The following EMC10 variants were observed in gnomAD, a reference collection of about 807,000 sequenced individuals.
EMC10 encodes the protein ER membrane protein complex subunit 10, also known as UPF0510 protein INM02.
A neutral mutation model predicts 32.2 loss-of-function variants in EMC10; 40 were observed. The observed-to-expected ratio is 1.24, with a 90% confidence interval of 0.96 to 1.61. The LOEUF (loss-of-function observed/expected upper bound fraction) is 1.61, where lower values mean the gene tolerates loss of function less well. Ranked by LOEUF, EMC10 falls within the 40% of genes most tolerant of loss-of-function variation. EMC10 has a pLI of 0.00. For synonymous variants in EMC10, 178 were observed against 158.4 expected, an observed-to-expected ratio of 1.12 and a Z score of -0.93; for missense variants, 402 against 357.7, an observed-to-expected ratio of 1.12 and a Z score of -1.00.
rs138656716 is a variant in EMC10, at chr19:50,482,196, G to A, written c.726G>A (p.Ala242=). The A allele has an allele frequency of 8.7e-5, 89 of 1,019,482 alleles. No homozygotes were observed. The East Asian group carries it at 3.5e-3, about 40-fold the overall frequency. 63.2% of individuals were successfully genotyped at this position (1,019,482 alleles called of 1,614,324 possible). A position where few individuals can be genotyped will look rare whatever the true frequency, so the allele number is the denominator to read the frequency against. The change falls in exon 7 of 7, where the codon GCG becomes GCA. Residue 242 remains alanine (A), a synonymous_variant. Coordinates refer to ENST00000334976, the MANE Select transcript of EMC10 (RefSeq NM_206538.4). ...TCCTGTTCCTCATGATGTCAGGAGC[G>A]CCAGACACCGGGGGCCAGGGTGGGG... ...PVVLFLMMSG[A]PDTGGQGGGG...
chr19:50,478,913 G>A, intron 2 of EMC10, 44 bp from the exon 3 acceptor site: 1 of 1,486,652 alleles, frequency 6.7e-7, no homozygotes, highest in Non-Finnish European at 9.2e-7. Context: ...TGGGTTGAAG[G>A]GTGGGCGGGG....
In EMC10 at chr19:50,480,113, T is replaced by A; in HGVS notation, c.300T>A (p.Asp100Glu). ...LSEEERGRLR[D>E]VAALNGLYRV... ...GCACCCTCTTCTCCCATCCCCAGGA[T>A]GTGGCAGCCCTGAATGGCCTGTACC... The change falls in exon 4 of 7, where the codon GAT becomes GAA. Residue 100 changes from aspartate to glutamate, a missense_variant and splice_region_variant. Asp to Glu is a conservative substitution (Grantham distance 45). Transcript: ENST00000334976. This position sits in a 1 kb window ranked among gnomAD's most constrained non-coding sequence, Gnocchi z 4.4. The A allele has an allele frequency of 2.5e-6, 4 of 1,609,128 alleles. No homozygotes were observed. Among genetic ancestry groups the A allele is most frequent in the Non-Finnish European group, 3.4e-6 (4 of 1,178,234 alleles).
In EMC10 at chr19:50,480,761, G is replaced by A. The variant is rs781245066; in HGVS notation, c.583G>A (p.Gly195Ser). The A allele has an allele frequency of 5.0e-6, 8 of 1,586,876 alleles. No individual in the cohort carries two copies. The African/African-American group carries it at 1.1e-4, about 21-fold the overall frequency. Residue 195 changes from glycine to serine, a missense_variant and splice_region_variant, in exon 5 of 7, where the codon GGC (glycine) becomes AGC (serine). By Grantham distance (56) the Gly-to-Ser change is moderately conservative (BLOSUM62 0). Coordinates refer to ENST00000334976, the MANE Select transcript of EMC10 (RefSeq NM_206538.4). This position sits in a 1 kb window ranked among gnomAD's most constrained non-coding sequence, Gnocchi z 4.4. ...VQLQPPTTAP[G>S]PETAAFIERL... ...GCTGCAGCCGCCCACCACAGCCCCAGGGTGAGCCTCTGCTGCCTTCGCGGC... is the reference window on the plus strand; with the variant it reads ...GCTGCAGCCGCCCACCACAGCCCCAAGGTGAGCCTCTGCTGCCTTCGCGGC...
Position 50,480,547 on chromosome 19 carries a change from C to A in EMC10, c.403-34C>A. The A allele has an allele frequency of 6.5e-7, 1 of 1,545,240 alleles. No homozygotes were observed. Among genetic ancestry groups the A allele is most frequent in the African/African-American group, 1.4e-5 (1 of 72,994 alleles). On this transcript the variant is annotated intron_variant, in intron 4 of 6. Transcript: ENST00000334976. This position sits in a 1 kb window ranked among gnomAD's most constrained non-coding sequence, Gnocchi z 4.4. ...GTTAGGGTGGAGCCCAGGCAGCAGG[C>A]TCCCCACCTCCACTGACCCCACTCC...
rs1178325800 is a variant in EMC10 at position 50,483,023 on chromosome 19, C to G, written c.*764C>G. On this transcript the variant is annotated 3_prime_UTR_variant, in exon 7 of 7. Transcript: ENST00000334976. Reference sequence around the variant, plus strand: ...ACTGTAAATAGAACCCCCTCCACCACCCCCCGCCGCCCAGCATCCTACCTG... The same window carrying G: ...ACTGTAAATAGAACCCCCTCCACCAGCCCCCGCCGCCCAGCATCCTACCTG... 4 of 548,244 alleles carry G rather than the reference C, an allele frequency of 7.3e-6. No homozygotes were observed. Among genetic ancestry groups the G allele is most frequent in the Non-Finnish European group, 1.0e-5 (3 of 289,696 alleles). 34.0% of individuals were successfully genotyped at this position (548,244 alleles called of 1,614,324 possible). A position where few individuals can be genotyped will look rare whatever the true frequency, so the allele number is the denominator to read the frequency against.
intron 1 of EMC10, 106 bp from the exon 2 acceptor site, chr19:50,477,823 A>C: frequency 1.3e-6 from 1 of 762,184 alleles, no homozygotes; most frequent in Non-Finnish European, 2.1e-6. Context: ...CTTGAAGATA[A>C]GGCTCCTCCC....
Position 50,479,057 on chromosome 19 carries a change from C to A in EMC10, c.288C>A (p.Gly96=). 1 of 1,604,126 alleles carries A rather than the reference C, an allele frequency of 6.2e-7. No individual in the cohort carries two copies. The highest frequency in any genetic ancestry group is 2.3e-5 in the East Asian group (1 of 44,416). ...GGCAGCTCAGCGAGGAGGAGCGGGG[C>A]CGACTCCGGGTGAGGTGGGGCCCTC... ...SQRQLSEEER[G]RLRDVAALNG... is the part of the protein sequence containing the mutation. Residue 96 remains glycine, a synonymous_variant, in exon 3 of 7, where the codon GGC becomes GGA. Coordinates refer to ENST00000334976, the MANE Select transcript of EMC10 (RefSeq NM_206538.4).
chr19:50,489,161 G>C lies in EMC10; in HGVS notation c.*6902G>C, dbSNP rs1271265712. On this transcript the variant is annotated 3_prime_UTR_variant, in exon 7 of 7. Transcript: ENST00000334976. ...ATTAGGGAAGAAGGAAAGGAGAAAG[G>C]AAAAAATACAAAAAAGGGCAGAGAG... is the stretch of plus-strand genomic sequence containing the variant. 2 of 152,068 alleles carry C rather than the reference G, an allele frequency of 1.3e-5. No homozygotes were observed. Among genetic ancestry groups the C allele is most frequent in the African/African-American group, 4.8e-5 (2 of 41,296 alleles). The allele number at this position is 152,068 out of a possible 1,614,324, so 9.4% of individuals were successfully genotyped here.
chr19:50,483,128 C>A lies in EMC10; in HGVS notation c.*869C>A. The stretch of plus-strand genomic sequence containing the variant: ...AGTCTATTTAAAAACATCGACGATA[C>A]ATTGAAATGTGTGAACGTTTTGAAA... On this transcript the variant is annotated 3_prime_UTR_variant, in exon 7 of 7. Transcript: ENST00000334976. 2.1e-6 allele frequency: 1 copy of A among 469,524 alleles called. No homozygotes were observed. Among genetic ancestry groups the A allele is most frequent in the Non-Finnish European group, 4.2e-6 (1 of 236,132 alleles). The allele number at this position is 469,524 out of a possible 1,614,324, so 29.1% of individuals were successfully genotyped here. A position where few individuals can be genotyped will look rare whatever the true frequency, so the allele number is the denominator to read the frequency against.
In EMC10 at chr19:50,488,314, A is replaced by AAAAG. The variant is rs1978457414; in HGVS notation, c.*6058_*6059insGAAA. On this transcript the variant is annotated 3_prime_UTR_variant, in exon 7 of 7. Coordinates refer to ENST00000334976, the MANE Select transcript of EMC10 (RefSeq NM_206538.4). ...CCGTCTCAAAAAAAAAAAAAAAAAAAAAAAGAAAAGATGGCCAGAGCAGGA... is the reference window on the plus strand; with the variant it reads ...CCGTCTCAAAAAAAAAAAAAAAAAAAAAAGAAAAGAAAAGATGGCCAGAGCAGGA... 7.1e-6 allele frequency: 1 copy of AAAAG among 141,752 alleles called. No homozygotes were observed. Among genetic ancestry groups the AAAAG allele is most frequent in the East Asian group, 2.0e-4 (1 of 5,122 alleles). The allele number at this position is 141,752 out of a possible 1,614,324, so 8.8% of individuals were successfully genotyped here.
In EMC10 at chr19:50,483,301, T is replaced by C. The variant is rs920811233; in HGVS notation, c.*1042T>C. ...CCATCCTCATGTGGCTGTGTGGAGC[T>C]CAGCTGTGTTGTGTGGCAGTTTATT... On this transcript the variant is annotated 3_prime_UTR_variant, in exon 7 of 7. Coordinates refer to ENST00000334976, the MANE Select transcript of EMC10 (RefSeq NM_206538.4). The C allele has an allele frequency of 3.0e-5, 11 of 363,224 alleles. No homozygotes were observed. Among genetic ancestry groups the C allele is most frequent in the African/African-American group, 1.9e-4 (9 of 47,030 alleles). 22.5% of individuals were successfully genotyped at this position (363,224 alleles called of 1,614,324 possible). A position where few individuals can be genotyped will look rare whatever the true frequency, so the allele number is the denominator to read the frequency against.
In EMC10 at chr19:50,479,926, C is replaced by T. The variant is rs375404905; in HGVS notation, c.298-185C>T. On this transcript the variant is annotated intron_variant, in intron 3 of 6. Transcript: ENST00000334976. Reference sequence around the variant, plus strand: ...GGGCGGTCCCAGCTGCTCCTGGCCTCACCCACCAGCCGGGCCACCCCAACA... The same window carrying T: ...GGGCGGTCCCAGCTGCTCCTGGCCTTACCCACCAGCCGGGCCACCCCAACA... Among the ~76,000 whole-genome samples, 22 of 152,330 alleles carry T rather than the reference C, an allele frequency of 1.4e-4. No homozygotes were observed. The South Asian group carries it at 4.1e-3, about 29-fold the overall frequency.
chr19:50,481,256 G>A, intron 6 of EMC10: 2 of 411,452 alleles, frequency 4.9e-6, no homozygotes, highest in Admixed American at 4.1e-5. Flanking sequence ...GAAGGGAACA[G>A]TGGAGGTTTC....
In EMC10 at chr19:50,482,431, C is replaced by T; in HGVS notation, c.*172C>T. ...CCTCTGCCTTCTGCTGGCAGAGGAG[C>T]AGCTGGACTGGGGCCTTTGGCACAG... On this transcript the variant is annotated 3_prime_UTR_variant, in exon 7 of 7. Coordinates refer to ENST00000334976, the MANE Select transcript of EMC10 (RefSeq NM_206538.4). 1 of 579,562 alleles carries T rather than the reference C, an allele frequency of 1.7e-6. No individual in the cohort carries two copies. The highest frequency in any genetic ancestry group is 3.2e-5 in the Admixed American group (1 of 31,598). The allele number at this position is 579,562 out of a possible 1,614,324, so 35.9% of individuals were successfully genotyped here. A position where few individuals can be genotyped will look rare whatever the true frequency, so the allele number is the denominator to read the frequency against.
chr19:50,481,602 C>A, intron 6 of EMC10: 1 of 520,590 alleles, frequency 1.9e-6, no homozygotes, highest in South Asian at 2.7e-5. Context: ...GCGAAGAGGT[C>A]TGTGTGGCCC....
At chr19:50,482,054 C>G in intron 6 of EMC10, 95 bp from the exon 7 acceptor site, 1 of 1,453,018 alleles carries the variant, frequency 6.9e-7, no homozygotes, top group East Asian at 2.3e-5. Flanking sequence ...CCCCTCATGC[C>G]GGTCCCCACC....
chr19:50,486,091 A>G lies in EMC10; in HGVS notation c.*3832A>G, dbSNP rs1978342505. On this transcript the variant is annotated 3_prime_UTR_variant, in exon 7 of 7. Transcript: ENST00000334976. ...CCAGTACATAGTTGCATGGCAAACA[A>G]TCCTAAAATATACAAGACTACATTT... 6.6e-6 allele frequency: 1 copy of G among 152,180 alleles called. No individual in the cohort carries two copies. The highest frequency in any genetic ancestry group is 1.5e-5 in the Non-Finnish European group (1 of 68,046). The allele number at this position is 152,180 out of a possible 1,614,324, so 9.4% of individuals were successfully genotyped here.
chr19:50,481,857 C>A, intron 6 of EMC10: 1 of 1,572,460 alleles, frequency 6.4e-7, no homozygotes, highest in East Asian at 2.3e-5. Context: ...CCCTCCCTCC[C>A]CAGTGGCACA....
chr19:50,478,900 G>T (rs960112621), intron 2 of EMC10, 57 bp from the exon 3 acceptor site: 3 of 1,407,472 alleles, frequency 2.1e-6, no homozygotes, highest in Admixed American at 2.0e-5. Flanking sequence ...CCTGGCCCCT[G>T]CCTGGGTTGA....
Sources: allele counts gnomAD v4.1 joint callset (sites outside exome capture counted in the v4.1 genomes callset), GRCh38; gene constraint gnomAD v4.1.1; non-coding constraint Gnocchi (gnomAD v3.1); transcripts MANE v1.5; gene names NCBI Gene and HGNC (gene_info 2026-07-23, HGNC 2026-07-21).